POR: variants seen among roughly 807,000 people sequenced by gnomAD.
POR encodes the protein NADPH--cytochrome P450 reductase.
Under a neutral mutation model 84.0 loss-of-function variants are expected in POR, and 56 were observed. The observed-to-expected ratio is 0.67, with a 90% confidence interval of 0.54 to 0.83. POR has a LOEUF of 0.83. POR is among the 40% of genes least tolerant of loss of function. The pLI is 0.00. For missense variants in POR, 938 were observed against 944.3 expected (o/e 0.99, Z 0.09); for synonymous variants, 414 against 400.5 (o/e 1.03, Z -0.40).
chr7:75,981,840 T>C, intron 7 of POR: 1 of 584,494 alleles, frequency 1.7e-6, no homozygotes, highest in East Asian at 2.8e-5. Flanking sequence ...CGTCGGGCTC[T>C]GTGGCTAGGT....
intron 2 of POR, among the ~76,000 whole-genome samples, chr7:75,956,052 C>G (rs752799333): frequency 6.6e-6 from 1 of 152,162 alleles, no homozygotes; most frequent in Non-Finnish European, 1.5e-5. Flanking sequence ...AATTCCACCA[C>G]TTTGGGAGGC....
intron 8 of POR, 33 bp from the exon 9 acceptor site, chr7:75,983,487 G>A (rs782303266): frequency 6.6e-7 from 1 of 1,505,430 alleles, no homozygotes; most frequent in Admixed American, 1.7e-5. Context: ...CAAAGCCCCG[G>A]CCGCTCACTG....
chr7:75,934,233 C>T (rs782526289), intron 1 of POR, among the ~76,000 whole-genome samples: 2 of 144,880 alleles, frequency 1.4e-5, no homozygotes, highest in Admixed American at 1.4e-4. Flanking sequence ...AATGTGAGGC[C>T]GTGTCTTTGT....
chr7:75,978,181 A>C (rs1788784465), intron 3 of POR, among the ~76,000 whole-genome samples: 1 of 152,230 alleles, frequency 6.6e-6, no homozygotes, highest in Admixed American at 6.5e-5. Context: ...TAGAAAGAAA[A>C]TACATATGTA....
chr7:75,982,692 C>T (rs1789128615), intron 8 of POR, among the ~76,000 whole-genome samples: 1 of 152,232 alleles, frequency 6.6e-6, no homozygotes, highest in Non-Finnish European at 1.5e-5. Context: ...TCTCTGTGCC[C>T]TTGATGGCCC....
intron 1 of POR, among the ~76,000 whole-genome samples, chr7:75,953,397 C>G (rs1787540892): frequency 6.6e-6 from 1 of 151,470 alleles, no homozygotes; most frequent in Non-Finnish European, 1.5e-5. Context: ...GGAAAGCAGG[C>G]ATTCACCATA....
At chr7:75,923,311 C>T (rs1439044145) in intron 1 of POR, 13 of 1,192,912 alleles carry the variant, frequency 1.1e-5, no homozygotes, top group Non-Finnish European at 1.6e-5. Flanking sequence ...CAGGAGATCT[C>T]ATGGTTCTTG....
intron 2 of POR, among the ~76,000 whole-genome samples, chr7:75,957,978 A>C (rs1296123282): frequency 6.6e-6 from 1 of 152,144 alleles, no homozygotes; most frequent in African/African-American, 2.4e-5. Flanking sequence ...TGATCTTTCC[A>C]AGTCTGTGTC....
In POR at chr7:75,953,963, C is replaced by T. The variant is rs1010272495; in HGVS notation, c.-4-26C>T. 3.3e-6 allele frequency: 5 copies of T among 1,534,322 alleles called. No individual in the cohort carries two copies. In the Admixed American group the frequency reaches 5.9e-5, roughly 18 times the overall value. On this transcript the variant is annotated intron_variant, in intron 1 of 15. Transcript: ENST00000461988. ...GGGGCACCCTGCTACCCTCTGCTGA[C>T]ATCTGCTGTTTCTGTCTCCTAACAG...
intron 1 of POR, among the ~76,000 whole-genome samples, chr7:75,932,506 T>C (rs947389068): frequency 6.6e-6 from 1 of 152,166 alleles, no homozygotes; most frequent in South Asian, 2.1e-4. Flanking sequence ...AAGGAACTTA[T>C]CAGTGGCTTA....
intron 1 of POR, among the ~76,000 whole-genome samples, chr7:75,937,291 CA>C (rs1227123390): frequency 0.026 from 1,744 of 66,254 alleles, 38 homozygotes; most frequent in African/African-American, 0.096. Context: ...CCCATCTCTA[CA>C]AAAAAAAAAA....
intron 1 of POR, among the ~76,000 whole-genome samples, chr7:75,953,615 G>A (rs41295378): frequency 1.6e-4 from 25 of 152,244 alleles, no homozygotes; most frequent in African/African-American, 4.8e-4. Flanking sequence ...CCACTCTTGC[G>A]TGCACTTCCT....
chr7:75,940,748 T>C (rs1247541906), intron 1 of POR, among the ~76,000 whole-genome samples: 2 of 151,432 alleles, frequency 1.3e-5, no homozygotes, highest in Non-Finnish European at 2.9e-5. Flanking sequence ...TGCGCCACTG[T>C]ACTCCAGCCT....
chr7:75,984,272 G>T (rs1022526795), intron 10 of POR, among the ~76,000 whole-genome samples: 1 of 152,152 alleles, frequency 6.6e-6, no homozygotes, highest in Non-Finnish European at 1.5e-5. Flanking sequence ...CAGTGGTGCC[G>T]AGTGGCAGTA....
intron 1 of POR, among the ~76,000 whole-genome samples, chr7:75,929,465 G>C (rs1235452214): frequency 6.6e-6 from 1 of 152,150 alleles, no homozygotes; most frequent in Non-Finnish European, 1.5e-5. Context: ...TGTTGGCCAG[G>C]CTGGTCTTGA....
chr7:75,965,887 A>G (rs141854452), intron 2 of POR, among the ~76,000 whole-genome samples: 6 of 152,222 alleles, frequency 3.9e-5, no homozygotes, highest in Non-Finnish European at 8.8e-5. Context: ...ATCCTTGGGA[A>G]GGGCTGTGAG....
intron 2 of POR, chr7:75,968,373 C>T (rs969074920): frequency 1.4e-5 from 6 of 424,306 alleles, no homozygotes; most frequent in Non-Finnish European, 2.5e-5. Context: ...TTGCACGCTG[C>T]ATTTCCCTGC....
At chr7:75,984,701 C>A in intron 10 of POR, 76 bp from the exon 11 acceptor site, 2 of 1,340,034 alleles carry the variant, frequency 1.5e-6, no homozygotes, top group South Asian at 2.3e-5. Flanking sequence ...CCCAAGGTGT[C>A]ACCCCCTCCT....
intron 1 of POR, chr7:75,915,574 T>C: frequency 6.6e-6 from 1 of 152,260 alleles, no homozygotes; most frequent in East Asian, 1.9e-4. Flanking sequence ...GTACGATGAA[T>C]GGGCCTCGGG....
Sources: gnomAD v4.1 joint callset for allele counts (sites outside exome capture counted in the v4.1 genomes callset) on GRCh38, gnomAD v4.1.1 for gene constraint, MANE v1.5 for transcripts, NCBI Gene and HGNC (gene_info 2026-07-23, HGNC 2026-07-21) for gene names.